The following STXBP6 variants were observed in gnomAD, a reference collection of about 807,000 sequenced individuals.
STXBP6 encodes syntaxin-binding protein 6.
A neutral mutation model predicts 26.9 loss-of-function variants in STXBP6; 21 were observed. The ratio of observed to expected loss-of-function variants is 0.78; its 90% confidence interval spans 0.55 to 1.12. The LOEUF (loss-of-function observed/expected upper bound fraction) is 1.12, where lower values mean the gene tolerates loss of function less well. Ranked by LOEUF, STXBP6 falls within the 50% of genes most tolerant of loss-of-function variation. STXBP6 has a pLI of 0.00. For synonymous variants in STXBP6, 97 were observed against 92.6 expected (o/e 1.05, Z -0.27); for missense variants, 232 against 257.9 (o/e 0.90, Z 0.69).
intron 2 of STXBP6, among the ~76,000 whole-genome samples, chr14:24,960,658 C>T (rs1284214464): frequency 6.6e-6 from 1 of 152,274 alleles, no homozygotes; most frequent in East Asian, 1.9e-4. Flanking sequence ...CTAGGAAGAA[C>T]TGACAGAAGT....
chr14:24,869,418 T>G (rs1221845343), intron 2 of STXBP6, among the ~76,000 whole-genome samples: 1 of 152,180 alleles, frequency 6.6e-6, no homozygotes, highest in African/African-American at 2.4e-5. Context: ...TGTAGCAGCC[T>G]ATGAATCATT....
chr14:24,913,975 T>C (rs1028904980), intron 2 of STXBP6, among the ~76,000 whole-genome samples: 3 of 152,214 alleles, frequency 2.0e-5, no homozygotes, highest in Admixed American at 6.5e-5. Context: ...CAATGTGTCA[T>C]TCTCCAGCAA....
intron 4 of STXBP6, among the ~76,000 whole-genome samples, chr14:24,838,112 A>G (rs542389209): frequency 6.6e-6 from 1 of 152,264 alleles, no homozygotes; most frequent in South Asian, 2.1e-4. Context: ...GTGCATAGCA[A>G]TGATCCTCCC....
At chr14:24,998,085 T>C (rs969881621) in intron 1 of STXBP6, among the ~76,000 whole-genome samples, 10 of 152,182 alleles carry the variant, frequency 6.6e-5, no homozygotes, top group African/African-American at 2.4e-4. Flanking sequence ...TTGATAGATA[T>C]GTCCAATATT....
In STXBP6 at chr14:25,041,065, T is replaced by C. The variant is rs148968653; in HGVS notation, c.-33+8813A>G. Among the ~76,000 whole-genome samples, 630 of 152,272 alleles carry C rather than the reference T, an allele frequency of 4.1e-3. 14 individuals carry two copies. The East Asian group carries it at 0.043, about 10-fold the overall frequency. ...GGCCAGGCGCGGTGGCTCACGCCTG[T>C]AATCCCAGCACTTTGGGAGGCCGAG... On this transcript the variant is annotated intron_variant, in intron 1 of 5. Transcript: ENST00000323944.
At chr14:25,029,225 C>T (rs1371930918) in intron 1 of STXBP6, among the ~76,000 whole-genome samples, 1 of 152,076 alleles carries the variant, frequency 6.6e-6, no homozygotes, top group African/African-American at 2.4e-5. Context: ...GGAAATCTTA[C>T]ACGGAAGGAA....
At chr14:25,030,750 T>C (rs1258798001) in intron 1 of STXBP6, among the ~76,000 whole-genome samples, 1 of 152,122 alleles carries the variant, frequency 6.6e-6, no homozygotes, top group Non-Finnish European at 1.5e-5. Context: ...CCTCATGCTT[T>C]CTGAAATTGC....
intron 2 of STXBP6, among the ~76,000 whole-genome samples, chr14:24,950,556 C>T (rs1193291737): frequency 1.4e-4 from 21 of 151,834 alleles, no homozygotes; most frequent in Admixed American, 7.2e-4. Flanking sequence ...CAAACAATAG[C>T]GAGAGGGAAA....
intron 1 of STXBP6, among the ~76,000 whole-genome samples, chr14:25,013,410 TAATG>T (rs2075075013): frequency 6.6e-6 from 1 of 151,710 alleles, no homozygotes; most frequent in South Asian, 2.1e-4. Flanking sequence ...TTAAAACTCC[TAATG>T]AATTGATGGA....
intron 1 of STXBP6, among the ~76,000 whole-genome samples, chr14:25,016,159 T>C (rs1462518450): frequency 6.6e-6 from 1 of 152,294 alleles, no homozygotes; most frequent in South Asian, 2.1e-4. Context: ...ACTATTCTTA[T>C]TATAACCTAT....
chr14:24,937,489 T>C (rs1273602230), intron 2 of STXBP6, among the ~76,000 whole-genome samples: 1 of 152,198 alleles, frequency 6.6e-6, no homozygotes, highest in Non-Finnish European at 1.5e-5. Flanking sequence ...ACTGAAGTGA[T>C]GACAATATGA....
intron 1 of STXBP6, chr14:24,987,838 G>A: frequency 1.0e-6 from 1 of 985,486 alleles, no homozygotes; most frequent in South Asian, 4.7e-5. Context: ...AAAACAAACA[G>A]AAAATGGACA....
intron 1 of STXBP6, among the ~76,000 whole-genome samples, chr14:25,004,887 G>A (rs1325639151): frequency 2.0e-5 from 3 of 152,170 alleles, no homozygotes; most frequent in East Asian, 1.9e-4. Context: ...CTGGGCCTAG[G>A]AGCATAAATA....
rs532177648 is a variant in STXBP6, at chr14:24,834,680, C to T, written c.452-15486G>A. Among the ~76,000 whole-genome samples the T allele has an allele frequency of 2.6e-5, 4 of 152,062 alleles. No individual in the cohort carries two copies. The South Asian group carries it at 6.2e-4, about 24-fold the overall frequency. On this transcript the variant is annotated intron_variant, in intron 4 of 5. Coordinates refer to ENST00000323944, the MANE Select transcript of STXBP6 (RefSeq NM_001394410.1). ...AGGAATTAAGGTACTAGTGATTAGA[C>T]CATTGTAAATATTCTTGAAAAGATG...
At chr14:24,852,425 T>C (rs976014743) in intron 4 of STXBP6, among the ~76,000 whole-genome samples, 2 of 152,226 alleles carry the variant, frequency 1.3e-5, no homozygotes, top group South Asian at 2.1e-4. Flanking sequence ...TTGGGTGGGC[T>C]TGTCCTCAAC....
chr14:24,906,821 T>G (rs1035655136), intron 2 of STXBP6, among the ~76,000 whole-genome samples: 11 of 152,278 alleles, frequency 7.2e-5, no homozygotes, highest in Admixed American at 7.2e-4. Flanking sequence ...AGTTGTCTAC[T>G]TCACTATGCC....
chr14:25,023,742 A>C (rs530523996), intron 1 of STXBP6, among the ~76,000 whole-genome samples: 4 of 152,252 alleles, frequency 2.6e-5, no homozygotes, highest in Admixed American at 2.6e-4. Context: ...GTAACCTATG[A>C]TCATACCACT....
intron 1 of STXBP6, among the ~76,000 whole-genome samples, chr14:25,017,832 A>T (rs1489134546): frequency 1.3e-5 from 2 of 151,922 alleles, no homozygotes; most frequent in African/African-American, 4.9e-5. Context: ...AAGGTAGCAC[A>T]GTGGTTGCGA....
intron 2 of STXBP6, among the ~76,000 whole-genome samples, chr14:24,908,188 G>C (rs1024729667): frequency 2.0e-5 from 3 of 152,140 alleles, no homozygotes; most frequent in Admixed American, 6.5e-5. Flanking sequence ...GTACACTGAA[G>C]ACCTAGAAAT....
Sources: allele counts gnomAD v4.1 joint callset (sites outside exome capture counted in the v4.1 genomes callset), GRCh38; gene constraint gnomAD v4.1.1; transcripts MANE v1.5; gene names NCBI Gene and HGNC (gene_info 2026-07-23, HGNC 2026-07-21).